Variants in ZFR observed in about 807,000 individuals in gnomAD.
The protein encoded by ZFR is zinc finger RNA-binding protein.
ZFR carries 19 observed loss-of-function variants against 130.7 expected under a neutral mutation model. That is an observed-to-expected ratio of 0.15 (90% CI 0.10 to 0.21). The LOEUF (loss-of-function observed/expected upper bound fraction) is 0.21, where lower values mean the gene tolerates loss of function less well. ZFR is among the 10% of genes least tolerant of loss of function. The probability of loss-of-function intolerance (pLI) is 1.00; values close to 1 mark genes in which losing one functional copy is unlikely to be tolerated. For missense variants in ZFR, 872 were observed against 1,321.5 expected (o/e 0.66, Z 5.27); for synonymous variants, 466 against 456.9 (o/e 1.02, Z -0.25).
chr5:32,365,333 G>A (rs916613147), intron 17 of ZFR, among the ~76,000 whole-genome samples: 7 of 152,106 alleles, frequency 4.6e-5, no homozygotes, highest in East Asian at 1.9e-4. Flanking sequence ...TAAAAACTGC[G>A]TCAACCTATT....
At chr5:32,366,410 T>C (rs1752546338) in intron 17 of ZFR, among the ~76,000 whole-genome samples, 1 of 152,236 alleles carries the variant, frequency 6.6e-6, no homozygotes, top group Admixed American at 6.5e-5. Flanking sequence ...AATCTGTTTA[T>C]TGATTGGCTT....
intron 4 of ZFR, among the ~76,000 whole-genome samples, chr5:32,415,523 C>CGCGCGT (rs1554073622): frequency 0.26 from 33,954 of 131,694 alleles, 4,206 homozygotes; most frequent in East Asian, 0.31. Flanking sequence ...TGTGCGCGCG[C>CGCGCGT]GCGCGCGCGC....
chr5:32,379,291 A>G, intron 16 of ZFR, 81 bp from the exon 17 acceptor site: 1 of 1,192,656 alleles, frequency 8.4e-7, no homozygotes, highest in Non-Finnish European at 1.2e-6. Context: ...TTAAAATACC[A>G]CCGTTCAATG....
intron 9 of ZFR, among the ~76,000 whole-genome samples, chr5:32,397,849 C>CTTT (rs70961626): frequency 0.19 from 12,779 of 66,842 alleles, 4,127 homozygotes; most frequent in East Asian, 0.35. Flanking sequence ...GCTCTTGTAT[C>CTTT]TTTTTTTTTT....
intron 2 of ZFR, among the ~76,000 whole-genome samples, chr5:32,424,462 C>T (rs1388203618): frequency 6.7e-6 from 1 of 149,090 alleles, no homozygotes; most frequent in East Asian, 2.0e-4. Context: ...GCCCAGAAGG[C>T]GGAGCTTGCA....
intron 15 of ZFR, among the ~76,000 whole-genome samples, chr5:32,382,341 C>T (rs576179215): frequency 2.0e-5 from 3 of 152,172 alleles, no homozygotes; most frequent in South Asian, 4.1e-4. Context: ...ACCCCTCACA[C>T]ACACAAAAAA....
chr5:32,367,783 T>A (rs1752579655), intron 17 of ZFR, among the ~76,000 whole-genome samples: 1 of 151,978 alleles, frequency 6.6e-6, no homozygotes, highest in Non-Finnish European at 1.5e-5. Flanking sequence ...TCCCATCCCA[T>A]CTCCAGTTAT....
intron 2 of ZFR, among the ~76,000 whole-genome samples, chr5:32,438,252 A>ATTTTTTTTTTTTTTTTTTTTTT (rs1561930577): frequency 3.6e-5 from 3 of 83,476 alleles, no homozygotes; most frequent in Admixed American, 1.3e-4. Flanking sequence ...TTTATCTGAA[A>ATTTTTTTTTTTTTTTTTTTTTT]ATTTTTTTTT....
intron 2 of ZFR, among the ~76,000 whole-genome samples, chr5:32,441,549 C>T (rs1214974871): frequency 6.6e-6 from 1 of 151,092 alleles, no homozygotes; most frequent in Non-Finnish European, 1.5e-5. Flanking sequence ...TGTTTTCAGG[C>T]GTGAACTGTA....
In ZFR at chr5:32,359,095, G is replaced by T. The variant is rs183255731; in HGVS notation, c.3046-3156C>A. ...CCAACTACTTGCAAGGCTAAGGCAG[G>T]ATTGTGTGAGACGGGGAGGTTGAGG... On this transcript the variant is annotated intron_variant, in intron 19 of 19. Coordinates refer to ENST00000265069, the MANE Select transcript of ZFR (RefSeq NM_016107.5). Among the ~76,000 whole-genome samples the T allele has an allele frequency of 3.4e-4, 51 of 151,994 alleles. 1 individual carries two copies. Among genetic ancestry groups the T allele is most frequent in the African/African-American group, 1.2e-3 (50 of 41,456 alleles).
At chr5:32,376,439 G>C (rs1164747962) in intron 17 of ZFR, among the ~76,000 whole-genome samples, 2 of 150,608 alleles carry the variant, frequency 1.3e-5, no homozygotes, top group Non-Finnish European at 3.0e-5. Context: ...AAGGTCAGGA[G>C]TTTGAAACCA....
intron 17 of ZFR, among the ~76,000 whole-genome samples, chr5:32,373,762 T>C (rs1272792109): frequency 6.6e-6 from 1 of 152,210 alleles, no homozygotes; most frequent in African/African-American, 2.4e-5. Flanking sequence ...ACTGACATTT[T>C]GGTGTTTTTT....
intron 2 of ZFR, among the ~76,000 whole-genome samples, chr5:32,421,493 T>C (rs1284277599): frequency 6.6e-6 from 1 of 152,202 alleles, no homozygotes; most frequent in Non-Finnish European, 1.5e-5. Context: ...AGGAAGTTCA[T>C]ATTAGATTGT....
intron 17 of ZFR, among the ~76,000 whole-genome samples, chr5:32,366,881 A>AC (rs374866246): frequency 2.8e-5 from 4 of 142,362 alleles, no homozygotes; most frequent in Non-Finnish European, 4.6e-5. Context: ...AGATTTTTTA[A>AC]TTTTTTTTTT....
chr5:32,357,310 G>A (rs1254716958), intron 19 of ZFR, among the ~76,000 whole-genome samples: 1 of 152,134 alleles, frequency 6.6e-6, no homozygotes, highest in African/African-American at 2.4e-5. Context: ...CTGTTGCCCA[G>A]GTTGGAGTGC....
At chr5:32,408,556 C>G (rs961508910) in intron 5 of ZFR, among the ~76,000 whole-genome samples, 4 of 152,112 alleles carry the variant, frequency 2.6e-5, no homozygotes, top group Admixed American at 2.6e-4. Flanking sequence ...TTATTGGTAA[C>G]TGGACAATTT....
chr5:32,420,746 G>A (rs549948676), intron 2 of ZFR, among the ~76,000 whole-genome samples: 67 of 152,330 alleles, frequency 4.4e-4, no homozygotes, highest in African/African-American at 1.6e-3. Flanking sequence ...GGCCAGGGAT[G>A]CTGTTACAAA....
Position 32,354,539 on chromosome 5 carries a change from T to C in ZFR, c.*1221A>G, listed in dbSNP as rs187151296. On this transcript the variant is annotated 3_prime_UTR_variant, in exon 20 of 20. Coordinates refer to ENST00000265069, the MANE Select transcript of ZFR (RefSeq NM_016107.5). ...TACATATATCAACAGTAAGATGTAA[T>C]TTTTCATTACATCACTGCTAGAATA... 6.5e-6 allele frequency: 1 copy of C among 152,750 alleles called. No individual in the cohort carries two copies. The highest frequency in any genetic ancestry group is 1.9e-4 in the East Asian group (1 of 5,192). The allele number at this position is 152,750 out of a possible 1,614,324, so 9.5% of individuals were successfully genotyped here. A position where few individuals can be genotyped will look rare whatever the true frequency, so the allele number is the denominator to read the frequency against.
At chr5:32,375,249 C>T (rs1044443622) in intron 17 of ZFR, among the ~76,000 whole-genome samples, 2 of 152,154 alleles carry the variant, frequency 1.3e-5, no homozygotes, top group Non-Finnish European at 2.9e-5. Context: ...GAAAGTTCAA[C>T]TTCCGTTACT....
Sources: allele counts gnomAD v4.1 joint callset (sites outside exome capture counted in the v4.1 genomes callset), GRCh38; gene constraint gnomAD v4.1.1; transcripts MANE v1.5; gene names NCBI Gene and HGNC (gene_info 2026-07-23, HGNC 2026-07-21).